The following SLC44A5 variants were observed in gnomAD, a reference collection of about 807,000 sequenced individuals.
SLC44A5 encodes the protein choline transporter-like protein 5.
SLC44A5 carries 57 observed loss-of-function variants against 101.8 expected under a neutral mutation model. That is an observed-to-expected ratio of 0.56 (90% CI 0.45 to 0.70). SLC44A5 has a LOEUF of 0.70. Ranked by LOEUF, SLC44A5 falls within the 30% of genes least tolerant of loss-of-function variation. The probability of loss-of-function intolerance (pLI) is 0.00; values close to 1 mark genes in which losing one functional copy is unlikely to be tolerated. For synonymous variants in SLC44A5, 281 were observed against 290.9 expected, an observed-to-expected ratio of 0.97 and a Z score of 0.35; for missense variants, 737 against 853.1, an observed-to-expected ratio of 0.86 and a Z score of 1.70.
At chr1:75,425,202 T>C (rs900562677) in intron 2 of SLC44A5, among the ~76,000 whole-genome samples, 1 of 152,244 alleles carries the variant, frequency 6.6e-6, no homozygotes, top group African/African-American at 2.4e-5. Flanking sequence ...ATTGTGCAAG[T>C]GCAGCCCCAG....
chr1:75,371,741 C>T (rs1660239233), intron 3 of SLC44A5, among the ~76,000 whole-genome samples: 1 of 152,086 alleles, frequency 6.6e-6, no homozygotes, highest in Admixed American at 6.6e-5. Flanking sequence ...AATGAAGGCC[C>T]ACCTATTTAA....
At chr1:75,256,643 A>G (rs374084916) in intron 6 of SLC44A5, among the ~76,000 whole-genome samples, 2 of 152,330 alleles carry the variant, frequency 1.3e-5, no homozygotes, top group South Asian at 2.1e-4. Flanking sequence ...ATAAATGGTG[A>G]CAAATCTGAT....
At chr1:75,493,538 T>C (rs963144487) in intron 2 of SLC44A5, among the ~76,000 whole-genome samples, 17 of 152,076 alleles carry the variant, frequency 1.1e-4, no homozygotes, top group African/African-American at 3.9e-4. Flanking sequence ...GGGACAACAC[T>C]AATTAGATTT....
At chr1:75,634,986 A>C in the SLC44A5 span, among the ~76,000 whole-genome samples, 9 of 151,758 alleles carry the variant, frequency 5.9e-5, no homozygotes, top group African/African-American at 1.5e-4. Context: ...ACCCCATCAA[A>C]AAGTGGGCGA....
At chr1:75,563,134 T>C (rs528498958) in intron 1 of SLC44A5, among the ~76,000 whole-genome samples, 15 of 152,274 alleles carry the variant, frequency 9.9e-5, no homozygotes, top group Non-Finnish European at 1.3e-4. Flanking sequence ...AGTATGGATA[T>C]AAAAGAATCC....
chr1:75,560,090 G>T (rs1427393629), intron 1 of SLC44A5, among the ~76,000 whole-genome samples: 28 of 152,106 alleles, frequency 1.8e-4, no homozygotes, highest in Admixed American at 1.8e-3. Flanking sequence ...TGCTGATGGG[G>T]ATGTAATGTG....
chr1:75,580,886 G>A (rs533779052), intron 1 of SLC44A5, among the ~76,000 whole-genome samples: 1 of 151,440 alleles, frequency 6.6e-6, no homozygotes, highest in South Asian at 2.1e-4. Context: ...AAGGAAAGAG[G>A]GCCCATATGT....
At chr1:75,312,173 A>G (rs981850177) in intron 4 of SLC44A5, among the ~76,000 whole-genome samples, 4 of 152,160 alleles carry the variant, frequency 2.6e-5, no homozygotes, top group African/African-American at 7.2e-5. Context: ...CCCTGCCACC[A>G]TGTAAGATGT....
At chr1:75,537,062 T>A (rs1358652919) in intron 2 of SLC44A5, among the ~76,000 whole-genome samples, 1 of 133,600 alleles carries the variant, frequency 7.5e-6, no homozygotes, top group East Asian at 2.3e-4. Context: ...TGATTCTGAA[T>A]ATGTATATAG....
intron 2 of SLC44A5, among the ~76,000 whole-genome samples, chr1:75,519,769 A>G (rs1670019569): frequency 6.6e-6 from 1 of 152,186 alleles, no homozygotes; most frequent in Admixed American, 6.5e-5. Context: ...CAACTCTCTA[A>G]CAACTTTGCT....
chr1:75,594,576 T>C (rs1674531791), intron 1 of SLC44A5, among the ~76,000 whole-genome samples: 1 of 152,026 alleles, frequency 6.6e-6, no homozygotes, highest in South Asian at 2.1e-4. Flanking sequence ...CATTCAAAAT[T>C]ATAATGAAAT....
At chr1:75,320,215 A>G (rs1656037711) in intron 4 of SLC44A5, among the ~76,000 whole-genome samples, 1 of 152,154 alleles carries the variant, frequency 6.6e-6, no homozygotes, top group African/African-American at 2.4e-5. Context: ...AGAAAACCAG[A>G]TCTTTGAAAA....
chr1:75,493,812 G>T (rs951923729), intron 2 of SLC44A5, among the ~76,000 whole-genome samples: 2 of 152,118 alleles, frequency 1.3e-5, no homozygotes, highest in African/African-American at 4.8e-5. Context: ...ACTACACATG[G>T]ATCAGTTTCA....
intron 3 of SLC44A5, among the ~76,000 whole-genome samples, chr1:75,360,099 T>C (rs1320128183): frequency 1.3e-5 from 2 of 152,194 alleles, no homozygotes; most frequent in African/African-American, 4.8e-5. Flanking sequence ...TGAAAATAAG[T>C]TTTCCCACTC....
In SLC44A5 at chr1:75,477,082, C is replaced by T. The variant is rs1198234359; in HGVS notation, c.13+64353G>A. 5.3e-5 allele frequency among the ~76,000 whole-genome samples: 8 copies of T among 152,348 alleles called. No individual in the cohort carries two copies. The South Asian group carries it at 1.0e-3, about 20-fold the overall frequency. ...TTCCAGAGAAACGATCAGACAGCAG[C>T]GTTCGCGGTTCATGAAAATCTGCTG... On this transcript the variant is annotated intron_variant, in intron 2 of 23. Coordinates refer to ENST00000370859, the MANE Select transcript of SLC44A5 (RefSeq NM_001130058.2).
At chr1:75,690,036 G>C in the SLC44A5 span, among the ~76,000 whole-genome samples, 1 of 152,248 alleles carries the variant, frequency 6.6e-6, no homozygotes, top group East Asian at 1.9e-4. Flanking sequence ...TAATCAGCAG[G>C]AAGTAGAAAT....
intron 2 of SLC44A5, among the ~76,000 whole-genome samples, chr1:75,482,276 G>A (rs541334094): frequency 6.6e-6 from 1 of 151,744 alleles, no homozygotes; most frequent in African/African-American, 2.4e-5. Context: ...GTTGTGGGGT[G>A]GGGGGACGGG....
intron 2 of SLC44A5, among the ~76,000 whole-genome samples, chr1:75,433,148 C>G (rs1203368624): frequency 6.6e-6 from 1 of 152,074 alleles, no homozygotes; most frequent in African/African-American, 2.4e-5. Context: ...TCTCATGTCT[C>G]CCCCTTCTCC....
the SLC44A5 span, among the ~76,000 whole-genome samples, chr1:75,659,497 G>GAAGA: frequency 2.2e-5 from 1 of 44,618 alleles, no homozygotes; most frequent in East Asian, 2.4e-4. Flanking sequence ...AGGAAGGCAG[G>GAAGA]CAGGCAGGCA....
Sources: allele counts gnomAD v4.1 joint callset (sites outside exome capture counted in the v4.1 genomes callset), GRCh38; gene constraint gnomAD v4.1.1; transcripts MANE v1.5; gene names NCBI Gene and HGNC (gene_info 2026-07-23, HGNC 2026-07-21).